Variants in TFAP2D observed in about 807,000 individuals in gnomAD.
TFAP2D encodes the protein transcription factor AP-2-delta.
A neutral mutation model predicts 43.6 loss-of-function variants in TFAP2D; 9 were observed. The ratio of observed to expected loss-of-function variants is 0.21; its 90% confidence interval spans 0.12 to 0.36. The LOEUF is 0.36. Ranked by LOEUF, TFAP2D falls within the 10% of genes least tolerant of loss-of-function variation. The pLI is 1.00. For missense variants in TFAP2D, 513 were observed against 561.4 expected (o/e 0.91, Z 0.87); for synonymous variants, 256 against 224.9 (o/e 1.14, Z -1.24).
chr6:50,715,008 T>A, intron 1 of TFAP2D, 108 bp from the exon 2 acceptor site: 1 of 1,446,854 alleles, frequency 6.9e-7, no homozygotes, highest in Non-Finnish European at 9.3e-7. Flanking sequence ...GCGCTCGCTT[T>A]CCTTGGAGTG....
At chr6:50,772,178 T>C (rs978707770) in intron 7 of TFAP2D, among the ~76,000 whole-genome samples, 2 of 149,634 alleles carry the variant, frequency 1.3e-5, no homozygotes, top group African/African-American at 5.0e-5. Flanking sequence ...CACTCATAGG[T>C]GGGAATTGAA....
At chr6:50,772,208 C>G (rs1052830311) in intron 7 of TFAP2D, among the ~76,000 whole-genome samples, 6 of 150,986 alleles carry the variant, frequency 4.0e-5, no homozygotes, top group Non-Finnish European at 7.4e-5. Flanking sequence ...CACTTGGACA[C>G]AGGAAGGGGA....
intron 5 of TFAP2D, among the ~76,000 whole-genome samples, chr6:50,730,706 G>A (rs958260464): frequency 6.6e-6 from 1 of 152,070 alleles, no homozygotes; most frequent in Non-Finnish European, 1.5e-5. Flanking sequence ...CCACAGAAGA[G>A]TCAATTGAAA....
chr6:50,723,661 T>C (rs983324072), intron 3 of TFAP2D, among the ~76,000 whole-genome samples: 11 of 152,182 alleles, frequency 7.2e-5, no homozygotes, highest in African/African-American at 2.7e-4. Flanking sequence ...TACCAAAGCA[T>C]CCAGAAGCAT....
intron 7 of TFAP2D, among the ~76,000 whole-genome samples, chr6:50,763,280 G>T (rs2113893181): frequency 6.6e-6 from 1 of 152,226 alleles, no homozygotes; most frequent in Admixed American, 6.5e-5. Context: ...AGCAGAGTGG[G>T]ATTAATGACA....
intron 3 of TFAP2D, 46 bp from the exon 4 acceptor site, chr6:50,728,810 C>G: frequency 2.2e-4 from 341 of 1,523,550 alleles, no homozygotes; most frequent in Non-Finnish European, 2.9e-4. Context: ...ATGCAGTTAG[C>G]TTCTTTCACT....
chr6:50,724,604 T>C (rs1337916126), intron 3 of TFAP2D, among the ~76,000 whole-genome samples: 1 of 152,074 alleles, frequency 6.6e-6, no homozygotes, highest in Non-Finnish European at 1.5e-5. Context: ...GCCGTGAGTA[T>C]GGCTCAGAGG....
chr6:50,729,349 G>T (rs745966803), intron 5 of TFAP2D, 37 bp downstream of exon 5: 1 of 1,561,558 alleles, frequency 6.4e-7, no homozygotes, highest in Non-Finnish European at 8.8e-7. Context: ...ATGCTGGAAG[G>T]TTGGCGTGTC....
rs78791250 is a variant in TFAP2D at position 50,716,592 on chromosome 6, C to T, written c.537+979C>T. Among the ~76,000 whole-genome samples, 16 of 152,182 alleles carry T rather than the reference C, an allele frequency of 1.1e-4. No individual in the cohort carries two copies. The East Asian group carries it at 1.9e-3, about 18-fold the overall frequency. On this transcript the variant is annotated intron_variant, in intron 2 of 7. Transcript: ENST00000008391. ...TAACACGTGTTTGCACATTCTTTAC[C>T]AAAGATAGAATTTATAATTATGCAA...
intron 3 of TFAP2D, among the ~76,000 whole-genome samples, chr6:50,725,370 A>G (rs1768793328): frequency 6.6e-6 from 1 of 152,190 alleles, no homozygotes; most frequent in Non-Finnish European, 1.5e-5. Context: ...AATTTGCAGC[A>G]TCACTGAAAA....
At position 50,751,226 on chromosome 6, in the gene TFAP2D, A is replaced by C. The variant is rs138038556; in HGVS notation, c.1041A>C (p.Glu347Asp). The change falls in exon 7 of 8, where the codon GAA becomes GAC. Residue 347 changes from glutamate (E) to aspartate (D), a missense_variant. Glu to Asp is a conservative substitution (Grantham distance 45). This residue lies in a region of TFAP2D where 199 missense variants were observed against 227.9 expected (regional missense o/e 0.87). Transcript: ENST00000008391. ...TTTATTTTAGACAAATCTGTAAAGAATTCCAAGACCTCTTGAGCCAAGATA... is the reference window on the plus strand; with the variant it reads ...TTTATTTTAGACAAATCTGTAAAGACTTCCAAGACCTCTTGAGCCAAGATA... ...MILATKQICKEFQDLLSQDRS... is the reference protein window; with the variant it reads ...MILATKQICKDFQDLLSQDRS... The C allele has an allele frequency of 5.0e-6, 8 of 1,609,450 alleles. No individual in the cohort carries two copies. The highest frequency in any genetic ancestry group is 5.9e-6 in the Non-Finnish European group (7 of 1,176,894).
intron 3 of TFAP2D, 25 bp downstream of exon 3, chr6:50,719,175 A>C (rs1313314438): frequency 6.2e-7 from 1 of 1,609,242 alleles, no homozygotes; most frequent in Admixed American, 1.7e-5. Context: ...ACAACATGTT[A>C]ACCCTAGACA....
At chr6:50,723,525 G>T (rs1009720719) in intron 3 of TFAP2D, among the ~76,000 whole-genome samples, 1 of 152,170 alleles carries the variant, frequency 6.6e-6, no homozygotes, top group Non-Finnish European at 1.5e-5. Flanking sequence ...CATCTCTATG[G>T]TTCATCCATT....
chr6:50,739,155 T>C (rs901649889), intron 5 of TFAP2D, among the ~76,000 whole-genome samples: 3 of 152,278 alleles, frequency 2.0e-5, no homozygotes, highest in Non-Finnish European at 2.9e-5. Context: ...ATGTGCCATG[T>C]TGGTGTGCTG....
At chr6:50,742,471 T>C (rs533701921) in intron 5 of TFAP2D, among the ~76,000 whole-genome samples, 1 of 152,196 alleles carries the variant, frequency 6.6e-6, no homozygotes, top group African/African-American at 2.4e-5. Context: ...GCCATCCTCC[T>C]GTTTGCCCTG....
At chr6:50,757,085 CT>C (rs1769275538) in intron 7 of TFAP2D, among the ~76,000 whole-genome samples, 1 of 151,562 alleles carries the variant, frequency 6.6e-6, no homozygotes, top group South Asian at 2.1e-4. Flanking sequence ...GATGAGAAAA[CT>C]TTTTTTCTCA....
Position 50,766,654 on chromosome 6 carries a change from C to CTTTTTTTTTTTT in TFAP2D, c.1140-5977_1140-5966dup, listed in dbSNP as rs763018088. Among the ~76,000 whole-genome samples, 16 of 57,386 alleles carry CTTTTTTTTTTTT rather than the reference C, an allele frequency of 2.8e-4. 3 individuals carry two copies. Among genetic ancestry groups the CTTTTTTTTTTTT allele is most frequent in the Admixed American group, 6.1e-4 (2 of 3,304 alleles). The allele number at this position is 57,386 out of a possible 152,430, so 37.6% of individuals were successfully genotyped here. ...CCTTTTGATACCATGAGATTGCTTT[C>CTTTTTTTTTTTT]TTTTTTTTTTTTTTTTTTTTTTTTT... On this transcript the variant is annotated intron_variant, in intron 7 of 7. Transcript: ENST00000008391.
At chr6:50,714,834 C>T (rs1011794354) in intron 1 of TFAP2D, among the ~76,000 whole-genome samples, 2 of 151,800 alleles carry the variant, frequency 1.3e-5, no homozygotes, top group Non-Finnish European at 2.9e-5. Context: ...TGTGTCTGTG[C>T]GTGTGTGTGC....
chr6:50,720,486 A>AAC (rs59484837), intron 3 of TFAP2D, among the ~76,000 whole-genome samples: 5,091 of 138,976 alleles, frequency 0.037, 96 homozygotes, highest in African/African-American at 0.057. Flanking sequence ...TGGAGATTAA[A>AAC]ACACACACAC....
Sources: gnomAD v4.1 joint callset for allele counts (sites outside exome capture counted in the v4.1 genomes callset) on GRCh38, gnomAD v4.1.1 for gene constraint, gnomAD v4.1.1 regional missense constraint, MANE v1.5 for transcripts, NCBI Gene and HGNC (gene_info 2026-07-23, HGNC 2026-07-21) for gene names.